TUNAR: variants seen among roughly 807,000 people sequenced by gnomAD.
TUNAR encodes transmembrane neural differentiation associated intracellular calcium regulator, also known as protein TUNAR.
chr14:95,910,211 G>A (rs144462457), intron 2 of TUNAR, among the ~76,000 whole-genome samples: 37 of 152,132 alleles, frequency 2.4e-4, no homozygotes, highest in African/African-American at 7.0e-4. Context: ...CTGTGCTGTC[G>A]CTGTGTCTCT....
intron 2 of TUNAR, among the ~76,000 whole-genome samples, chr14:95,911,910 A>G (rs1264987115): frequency 2.0e-5 from 3 of 152,226 alleles, no homozygotes; most frequent in Non-Finnish European, 2.9e-5. Context: ...TCTCTGCTGT[A>G]CTATAGAAAG....
chr14:95,918,859 C>T (rs181828224), intron 2 of TUNAR, among the ~76,000 whole-genome samples: 2 of 152,298 alleles, frequency 1.3e-5, no homozygotes, highest in African/African-American at 2.4e-5. Flanking sequence ...TCCTGGCCAT[C>T]TATTCCCTGG....
chr14:95,894,412 G>T (rs535090214), intron 2 of TUNAR, among the ~76,000 whole-genome samples: 14 of 152,282 alleles, frequency 9.2e-5, no homozygotes, highest in Non-Finnish European at 1.9e-4. Flanking sequence ...TGGCTTTTGG[G>T]TCCCCGTTCC....
chr14:95,912,792 T>C (rs922370907), intron 2 of TUNAR, among the ~76,000 whole-genome samples: 6 of 151,528 alleles, frequency 4.0e-5, no homozygotes, highest in African/African-American at 1.5e-4. Flanking sequence ...CCTTTTTTTC[T>C]TTTTTTTTCT....
chr14:95,877,315 C>T (rs1276082915), intron 2 of TUNAR, 138 bp downstream of exon 1: 2 of 152,390 alleles, frequency 1.3e-5, no homozygotes, highest in East Asian at 1.9e-4. Flanking sequence ...TTCAATTTCC[C>T]CTGCCCCGAA....
At chr14:95,925,565 A>G (rs1028087667) in exon 3 of TUNAR, 2 of 152,224 alleles carry the variant, frequency 1.3e-5, no homozygotes, top group African/African-American at 4.8e-5. Context: ...TGCAATGGAA[A>G]AAAATACTCG....
intron 2 of TUNAR, among the ~76,000 whole-genome samples, chr14:95,888,230 C>T (rs1027130990): frequency 2.6e-5 from 4 of 152,192 alleles, no homozygotes; most frequent in African/African-American, 9.7e-5. Flanking sequence ...TTAATATTTG[C>T]TGGGTGCTTA....
At chr14:95,894,662 T>C (rs910032100) in intron 2 of TUNAR, among the ~76,000 whole-genome samples, 1 of 152,162 alleles carries the variant, frequency 6.6e-6, no homozygotes, top group Non-Finnish European at 1.5e-5. Flanking sequence ...GTCTATAGAT[T>C]GTTGGAATGT....
intron 2 of TUNAR, among the ~76,000 whole-genome samples, chr14:95,921,064 C>T (rs1889690115): frequency 6.6e-6 from 1 of 152,282 alleles, no homozygotes; most frequent in Non-Finnish European, 1.5e-5. Context: ...GCCATTGTCC[C>T]AGCTTGAAGG....
At chr14:95,882,553 C>T (rs994449918) in intron 2 of TUNAR, among the ~76,000 whole-genome samples, 1 of 152,208 alleles carries the variant, frequency 6.6e-6, no homozygotes, top group Non-Finnish European at 1.5e-5. Context: ...CTAAGTCCTT[C>T]GTGGTGGCTA....
At chr14:95,897,148 T>C (rs1889282204) in intron 2 of TUNAR, among the ~76,000 whole-genome samples, 2 of 152,354 alleles carry the variant, frequency 1.3e-5, no homozygotes, top group South Asian at 2.1e-4. Flanking sequence ...GTTCTGGGGA[T>C]GTTTTTCCTA....
chr14:95,922,666 A>G (rs2139674914), intron 2 of TUNAR, 115 bp from the exon 2 acceptor site: 1 of 396,066 alleles, frequency 2.5e-6, no homozygotes, highest in Admixed American at 4.4e-5. Context: ...GGGATTTGTC[A>G]TTCTCCCACC....
At chr14:95,888,379 A>C (rs767904614) in intron 2 of TUNAR, among the ~76,000 whole-genome samples, 1 of 152,216 alleles carries the variant, frequency 6.6e-6, no homozygotes, top group Admixed American at 6.5e-5. Context: ...GTATTGGTGC[A>C]TACAAAAACA....
chr14:95,888,046 AAGCTGTTCTTCG>A (rs1889106333), intron 2 of TUNAR, among the ~76,000 whole-genome samples: 2 of 152,158 alleles, frequency 1.3e-5, no homozygotes, highest in South Asian at 2.1e-4. Context: ...CTTTTATTTG[AAGCTGTTCTTCG>A]AGTCAGATTG....
At chr14:95,918,919 A>G (rs1308184174) in intron 2 of TUNAR, among the ~76,000 whole-genome samples, 1 of 152,206 alleles carries the variant, frequency 6.6e-6, no homozygotes, top group East Asian at 1.9e-4. Flanking sequence ...CCACTCATTC[A>G]TTCAGCACAA....
Position 95,882,264 on chromosome 14 carries a change from AAC to A in TUNAR, c.12+5089_12+5090del, listed in dbSNP as rs1482608722. Among the ~76,000 whole-genome samples the A allele has an allele frequency of 4.2e-5, 6 of 144,318 alleles. No individual in the cohort carries two copies. The East Asian group carries it at 8.0e-4, about 19-fold the overall frequency. 94.7% of individuals were successfully genotyped at this position (144,318 alleles called of 152,430 possible). On this transcript the variant is annotated intron_variant, in intron 2 of 2. Coordinates refer to ENST00000678517, the Ensembl canonical transcript of TUNAR. ...GGCTTCAGCTCTGGGCTAGATTTCT[AAC>A]ATGTGTAGTTACTAAAAAGTAGAAA...
At chr14:95,911,264 C>T (rs57069482) in intron 2 of TUNAR, among the ~76,000 whole-genome samples, 4,048 of 152,294 alleles carry the variant, frequency 0.027, 187 homozygotes, top group African/African-American at 0.09. Flanking sequence ...TCCCCTGCCT[C>T]GTTGCCCTTC....
At chr14:95,894,784 CTT>C (rs1889233826) in intron 2 of TUNAR, among the ~76,000 whole-genome samples, 4 of 152,192 alleles carry the variant, frequency 2.6e-5, no homozygotes, top group Admixed American at 2.6e-4. Flanking sequence ...AGAAAGGACT[CTT>C]TTAAGCAAGG....
chr14:95,906,105 G>T (rs1292306643), intron 2 of TUNAR, among the ~76,000 whole-genome samples: 1 of 152,106 alleles, frequency 6.6e-6, no homozygotes, highest in Non-Finnish European at 1.5e-5. Context: ...GGCTTATCTT[G>T]TATGTTCCCT....
Sources: gnomAD v4.1 joint callset for allele counts (sites outside exome capture counted in the v4.1 genomes callset) on GRCh38, gnomAD v4.1.1 for gene constraint, MANE v1.5 for transcripts, NCBI Gene and HGNC (gene_info 2026-07-23, HGNC 2026-07-21) for gene names.